Variants in MEGF9 observed in about 807,000 individuals in gnomAD.
MEGF9 encodes multiple epidermal growth factor-like domains protein 9.
Under a neutral mutation model 46.8 loss-of-function variants are expected in MEGF9, and 6 were observed. That is an observed-to-expected ratio of 0.13 (90% confidence interval 0.07 to 0.25). MEGF9 has a LOEUF of 0.25. MEGF9 is among the 10% of genes least tolerant of loss of function. The pLI is 1.00. For synonymous variants in MEGF9, 302 were observed against 330.7 expected (o/e 0.91, Z 0.94); for missense variants, 683 against 792.4 (o/e 0.86, Z 1.66).
intron 1 of MEGF9, among the ~76,000 whole-genome samples, chr9:120,671,601 G>T (rs1304160710): frequency 6.6e-6 from 1 of 152,172 alleles, no homozygotes; most frequent in Non-Finnish European, 1.5e-5. Flanking sequence ...ACCTATTAAA[G>T]AAATAGAATT....
At chr9:120,646,416 C>G (rs1465281253) in intron 2 of MEGF9, among the ~76,000 whole-genome samples, 2 of 152,200 alleles carry the variant, frequency 1.3e-5, no homozygotes, top group African/African-American at 4.8e-5. Context: ...CCTGTCCCCA[C>G]TCCTCTTCCA....
At chr9:120,625,718 C>T (rs957830701) in intron 2 of MEGF9, among the ~76,000 whole-genome samples, 1 of 150,768 alleles carries the variant, frequency 6.6e-6, no homozygotes, top group African/African-American at 2.4e-5. Context: ...CCTGTAGTCC[C>T]AGCTACTCGG....
chr9:120,649,683 AGT>A (rs2043641326), intron 2 of MEGF9, among the ~76,000 whole-genome samples: 1 of 152,128 alleles, frequency 6.6e-6, no homozygotes, highest in African/African-American at 2.4e-5. Flanking sequence ...TATTATTAGA[AGT>A]GTTTTTGGTC....
intron 2 of MEGF9, among the ~76,000 whole-genome samples, chr9:120,650,882 GACCTCC>G (rs1266845883): frequency 6.6e-6 from 1 of 151,428 alleles, no homozygotes; most frequent in Non-Finnish European, 1.5e-5. Context: ...TAACCTGTAA[GACCTCC>G]ACCTCCTATG....
intron 2 of MEGF9, among the ~76,000 whole-genome samples, chr9:120,657,269 G>A (rs1458683978): frequency 1.3e-5 from 2 of 152,194 alleles, no homozygotes; most frequent in African/African-American, 2.4e-5. Flanking sequence ...CTAGTCTAGT[G>A]TACTTTTCCA....
intron 2 of MEGF9, among the ~76,000 whole-genome samples, chr9:120,634,795 T>C (rs1215092383): frequency 3.9e-5 from 6 of 152,230 alleles, no homozygotes; most frequent in South Asian, 2.1e-4. Flanking sequence ...GCTTTGTATA[T>C]CCTTATTTCC....
chr9:120,683,836 G>A (rs562558574), intron 1 of MEGF9, among the ~76,000 whole-genome samples: 2 of 152,006 alleles, frequency 1.3e-5, no homozygotes, highest in Non-Finnish European at 2.9e-5. Flanking sequence ...TGAGGCTGCA[G>A]TGAGCCATGA....
intron 3 of MEGF9, among the ~76,000 whole-genome samples, chr9:120,621,653 T>C (rs1363850357): frequency 4.6e-5 from 7 of 152,216 alleles, no homozygotes; most frequent in Non-Finnish European, 8.8e-5. Flanking sequence ...AAAGGTCTGC[T>C]TCCATTGCTC....
chr9:120,656,089 G>A (rs2043675436), intron 2 of MEGF9, among the ~76,000 whole-genome samples: 2 of 152,188 alleles, frequency 1.3e-5, no homozygotes, highest in South Asian at 4.1e-4. Flanking sequence ...AACACGAACT[G>A]TGAAGTCATT....
intron 1 of MEGF9, among the ~76,000 whole-genome samples, chr9:120,688,327 G>C (rs1369591356): frequency 6.6e-6 from 1 of 152,098 alleles, no homozygotes; most frequent in East Asian, 1.9e-4. Context: ...AGGACTAACT[G>C]TAAAGTCTGC....
chr9:120,679,308 G>C (rs1169482381), intron 1 of MEGF9, among the ~76,000 whole-genome samples: 1 of 152,152 alleles, frequency 6.6e-6, no homozygotes, highest in Non-Finnish European at 1.5e-5. Flanking sequence ...AAAATGATGA[G>C]TTCATGTCCT....
chr9:120,603,663 T>G lies in MEGF9; in HGVS notation c.*1527A>C, dbSNP rs2043407226. ...ATCTGACCACCTTTCCCACCCACCT[T>G]GCTTAACCCAAAATGTCAATATCAT... On this transcript the variant is annotated 3_prime_UTR_variant, in exon 6 of 6. Coordinates refer to ENST00000373930, the MANE Select transcript of MEGF9 (RefSeq NM_001080497.3). 6.6e-6 allele frequency: 1 copy of G among 152,254 alleles called. No individual in the cohort carries two copies. Among genetic ancestry groups the G allele is most frequent in the Middle Eastern group, 3.2e-3 (1 of 316 alleles). The allele number at this position is 152,254 out of a possible 1,614,324, so 9.4% of individuals were successfully genotyped here. A position where few individuals can be genotyped will look rare whatever the true frequency, so the allele number is the denominator to read the frequency against.
intron 2 of MEGF9, among the ~76,000 whole-genome samples, chr9:120,657,120 T>C (rs2043680883): frequency 6.6e-6 from 1 of 152,206 alleles, no homozygotes; most frequent in Non-Finnish European, 1.5e-5. Flanking sequence ...GCTGCCACTA[T>C]AGCACAAAAG....
At chr9:120,632,851 T>C (rs1439894675) in intron 2 of MEGF9, among the ~76,000 whole-genome samples, 1 of 152,256 alleles carries the variant, frequency 6.6e-6, no homozygotes, top group Non-Finnish European at 1.5e-5. Flanking sequence ...GAGATGATCA[T>C]GTGGTTACTG....
At chr9:120,708,654 A>C (rs973078908) in intron 1 of MEGF9, among the ~76,000 whole-genome samples, 1 of 152,232 alleles carries the variant, frequency 6.6e-6, no homozygotes, top group African/African-American at 2.4e-5. Flanking sequence ...TATCATCTGT[A>C]AATTTATTCT....
At chr9:120,607,718 C>A in intron 5 of MEGF9, 23 bp downstream of exon 5, 1 of 1,601,656 alleles carries the variant, frequency 6.2e-7, no homozygotes, top group Non-Finnish European at 8.5e-7. Flanking sequence ...ATTAAATTTA[C>A]AATCACTTAG....
chr9:120,602,918 C>G lies in MEGF9; in HGVS notation c.*2272G>C, dbSNP rs1038386518. ...GAGATGAGTTCACCTTAATGAAGCA[C>G]AAACTGGCAGTTTTGTTTTCTAATC... On this transcript the variant is annotated 3_prime_UTR_variant, in exon 6 of 6. Coordinates refer to ENST00000373930, the MANE Select transcript of MEGF9 (RefSeq NM_001080497.3). 2 of 152,140 alleles carry G rather than the reference C, an allele frequency of 1.3e-5. No homozygotes were observed. The highest frequency in any genetic ancestry group is 4.8e-5 in the African/African-American group (2 of 41,430). 9.4% of individuals were successfully genotyped at this position (152,140 alleles called of 1,614,324 possible). A position where few individuals can be genotyped will look rare whatever the true frequency, so the allele number is the denominator to read the frequency against.
intron 5 of MEGF9, among the ~76,000 whole-genome samples, chr9:120,606,216 G>A (rs2043420172): frequency 6.6e-6 from 1 of 151,582 alleles, no homozygotes; most frequent in Non-Finnish European, 1.5e-5. Flanking sequence ...CAGTGTTGGA[G>A]TTTTCCATTC....
At chr9:120,627,105 A>AC (rs1296379610) in intron 2 of MEGF9, among the ~76,000 whole-genome samples, 1 of 152,240 alleles carries the variant, frequency 6.6e-6, no homozygotes, top group Non-Finnish European at 1.5e-5. Context: ...GCAAAACATT[A>AC]AAGGATAATT....
Sources: allele counts gnomAD v4.1 joint callset (sites outside exome capture counted in the v4.1 genomes callset), GRCh38; gene constraint gnomAD v4.1.1; transcripts MANE v1.5; gene names NCBI Gene and HGNC (gene_info 2026-07-23, HGNC 2026-07-21).